Variants in SPECC1L observed in about 807,000 individuals in gnomAD.
SPECC1L encodes sperm antigen with calponin homology and coiled-coil domains 1 like.
Under a neutral mutation model 116.8 loss-of-function variants are expected in SPECC1L, and 40 were observed. The ratio of observed to expected loss-of-function variants is 0.34; its 90% CI spans 0.27 to 0.45. The LOEUF (loss-of-function observed/expected upper bound fraction) is 0.45. SPECC1L is among the 20% of genes least tolerant of loss of function. The pLI is 1.00. For synonymous variants in SPECC1L, 504 were observed against 500.6 expected (o/e 1.01, Z -0.09); for missense variants, 1,110 against 1,373.6 (o/e 0.81, Z 3.03).
intron 14 of SPECC1L, among the ~76,000 whole-genome samples, chr22:24,376,012 A>C (rs2041965382): frequency 6.6e-6 from 1 of 152,206 alleles, no homozygotes; most frequent in East Asian, 1.9e-4. Flanking sequence ...ATTATACTTA[A>C]TGGTGAAGAC....
In SPECC1L at chr22:24,321,311, A is replaced by G. The variant is rs768857920; in HGVS notation, c.331A>G (p.Ser111Gly). ...STGTASSTKR[S>G]TSTGNKESSS... Reference sequence around the variant, plus strand: ...AGGCACAGCTTCTTCAACCAAGCGGAGCACTTCTACAGGTAATAAAGAATC... The same window carrying G: ...AGGCACAGCTTCTTCAACCAAGCGGGGCACTTCTACAGGTAATAAAGAATC... Residue 111 changes from serine (S) to glycine (G), a missense_variant, in exon 5 of 17, where the codon AGC (serine) becomes GGC (glycine). Transcript: ENST00000314328. 1 of 1,614,038 alleles carries G rather than the reference A, an allele frequency of 6.2e-7. No homozygotes were observed. The highest frequency in any genetic ancestry group is 1.3e-5 in the African/African-American group (1 of 74,938).
chr22:24,321,724 AC>A lies in SPECC1L; in HGVS notation c.745del (p.Gln249ArgfsTer12), dbSNP rs771406288. The A allele has an allele frequency of 2.5e-6, 4 of 1,614,238 alleles. No homozygotes were observed. In the Admixed American group the frequency reaches 6.7e-5, roughly 27 times the overall value. ...VESTLLQLQE[Q>X]NTAIREELNQ... ...AGTCCACTTTATTGCAGTTGCAGGA[AC>A]AGAATACTGCCATCCGTGAAGAACT... is the stretch of plus-strand genomic sequence containing the variant. On this transcript the variant is annotated frameshift_variant, in exon 5 of 17. Coordinates refer to ENST00000314328, the MANE Select transcript of SPECC1L (RefSeq NM_015330.6). LOFTEE classifies it high-confidence loss of function.
chr22:24,395,967 TA>T (rs1366819557), intron 14 of SPECC1L, among the ~76,000 whole-genome samples: 3 of 152,026 alleles, frequency 2.0e-5, no homozygotes, highest in Non-Finnish European at 2.9e-5. Flanking sequence ...AAATACGGAT[TA>T]AAAAAAGGCT....
At chr22:24,284,850 G>A (rs905855677) in intron 2 of SPECC1L, among the ~76,000 whole-genome samples, 1 of 152,204 alleles carries the variant, frequency 6.6e-6, no homozygotes, top group African/African-American at 2.4e-5. Context: ...AGAGAGATCG[G>A]TGTCAGTCAA....
chr22:24,327,942 C>G (rs1299461765), intron 6 of SPECC1L, among the ~76,000 whole-genome samples: 1 of 152,186 alleles, frequency 6.6e-6, no homozygotes, highest in Non-Finnish European at 1.5e-5. Flanking sequence ...GTAGGTAAAT[C>G]AGGGTAAAGG....
chr22:24,317,670 C>G (rs186533259), intron 4 of SPECC1L, among the ~76,000 whole-genome samples: 3 of 151,738 alleles, frequency 2.0e-5, no homozygotes, highest in African/African-American at 7.3e-5. Flanking sequence ...CTGACCCCCC[C>G]ATCTCCCTCC....
intron 2 of SPECC1L, among the ~76,000 whole-genome samples, chr22:24,287,535 C>T (rs904440034): frequency 1.3e-5 from 2 of 152,134 alleles, no homozygotes; most frequent in African/African-American, 4.8e-5. Flanking sequence ...TTCCAGTCGC[C>T]AAGAGGCGTC....
intron 14 of SPECC1L, among the ~76,000 whole-genome samples, chr22:24,375,509 G>A (rs2041954449): frequency 6.6e-6 from 1 of 152,148 alleles, no homozygotes. Flanking sequence ...AATTAATACT[G>A]TAATACCATA....
At chr22:24,273,312 C>T (rs2048766229) in intron 1 of SPECC1L, among the ~76,000 whole-genome samples, 2 of 151,984 alleles carry the variant, frequency 1.3e-5, no homozygotes, top group African/African-American at 2.4e-5. Context: ...CTGCTCAGCT[C>T]AGTAAGGGAA....
chr22:24,394,524 C>T (rs1048985421), intron 14 of SPECC1L, among the ~76,000 whole-genome samples: 1 of 152,172 alleles, frequency 6.6e-6, no homozygotes, highest in African/African-American at 2.4e-5. Context: ...AATATTCAGT[C>T]CATTGCATAT....
intron 2 of SPECC1L, among the ~76,000 whole-genome samples, chr22:24,290,079 G>A (rs1601502499): frequency 6.6e-6 from 1 of 152,304 alleles, no homozygotes; most frequent in East Asian, 1.9e-4. Flanking sequence ...CATTGGCCCT[G>A]CTCACCATCA....
At chr22:24,373,459 G>A (rs1187467942) in intron 14 of SPECC1L, among the ~76,000 whole-genome samples, 1 of 152,122 alleles carries the variant, frequency 6.6e-6, no homozygotes, top group African/African-American at 2.4e-5. Flanking sequence ...AGAGCCCTCA[G>A]AAATAATGCT....
At chr22:24,368,803 T>C (rs1231797378) in intron 13 of SPECC1L, among the ~76,000 whole-genome samples, 1 of 152,128 alleles carries the variant, frequency 6.6e-6, no homozygotes, top group Admixed American at 6.5e-5. Flanking sequence ...CCCGCCACCA[T>C]GCCCAGCTAA....
At chr22:24,398,796 C>G (rs2042414693) in intron 14 of SPECC1L, among the ~76,000 whole-genome samples, 1 of 152,152 alleles carries the variant, frequency 6.6e-6, no homozygotes. Context: ...CCTAAAGAGG[C>G]CAGGAAAGCT....
At chr22:24,379,371 C>T (rs1256240031) in intron 14 of SPECC1L, among the ~76,000 whole-genome samples, 1 of 151,592 alleles carries the variant, frequency 6.6e-6, no homozygotes, top group Non-Finnish European at 1.5e-5. Flanking sequence ...CAGAGCAAGA[C>T]CCTGTCTCCG....
chr22:24,290,903 A>G (rs1345433717), intron 2 of SPECC1L, among the ~76,000 whole-genome samples: 2 of 152,212 alleles, frequency 1.3e-5, no homozygotes, highest in Non-Finnish European at 2.9e-5. Context: ...TTCTTTTGAA[A>G]GTTTTGATTG....
chr22:24,291,765 C>G (rs1431164733), intron 2 of SPECC1L, among the ~76,000 whole-genome samples: 2 of 152,110 alleles, frequency 1.3e-5, no homozygotes, highest in African/African-American at 4.8e-5. Flanking sequence ...TACCAGCCCC[C>G]TTTTAAAATG....
chr22:24,343,133 G>A (rs2041213412), intron 10 of SPECC1L, among the ~76,000 whole-genome samples: 1 of 152,120 alleles, frequency 6.6e-6, no homozygotes, highest in Non-Finnish European at 1.5e-5. Context: ...GGCAGAGGTT[G>A]CAGTGAGCTG....
intron 14 of SPECC1L, among the ~76,000 whole-genome samples, chr22:24,390,891 T>C (rs1352433789): frequency 7.6e-6 from 1 of 132,358 alleles, no homozygotes. Flanking sequence ...TTTTTTTTTT[T>C]TTTTTTTGAG....
Sources: allele counts gnomAD v4.1 joint callset (sites outside exome capture counted in the v4.1 genomes callset), GRCh38; gene constraint gnomAD v4.1.1; transcripts MANE v1.5; gene names NCBI Gene and HGNC (gene_info 2026-07-23, HGNC 2026-07-21).